NCKAP1: variants seen among roughly 807,000 people sequenced by gnomAD.
NCKAP1 encodes the protein NCK associated protein 1, also known as nck-associated protein 1.
NCKAP1 carries 21 observed loss-of-function variants against 151.2 expected under a neutral mutation model. The observed-to-expected ratio is 0.14, with a 90% CI of 0.10 to 0.20. NCKAP1 has a LOEUF of 0.20. NCKAP1 is among the 10% of genes least tolerant of loss of function. The probability of loss-of-function intolerance (pLI) is 1.00; values close to 1 mark genes in which losing one functional copy is unlikely to be tolerated. For missense variants in NCKAP1, 933 were observed against 1,352.1 expected (o/e 0.69, Z 4.86); for synonymous variants, 484 against 451.8 (o/e 1.07, Z -0.90).
intron 26 of NCKAP1, 42 bp downstream of exon 26, chr2:182,934,710 G>A (rs371894375): frequency 2.8e-5 from 27 of 971,158 alleles, no homozygotes; most frequent in Middle Eastern, 4.3e-4. Context: ...TAAATATTTC[G>A]CTTTAGAGAC....
chr2:183,026,180 G>A (rs966603241), intron 1 of NCKAP1, among the ~76,000 whole-genome samples: 3 of 152,130 alleles, frequency 2.0e-5, no homozygotes, highest in South Asian at 2.1e-4. Context: ...AGTGGCTCAC[G>A]CCTGTAATTC....
chr2:182,982,773 A>G (rs1697966376), intron 12 of NCKAP1, 48 bp downstream of exon 12: 1 of 1,249,148 alleles, frequency 8.0e-7, no homozygotes, highest in African/African-American at 1.5e-5. Flanking sequence ...TTGTAAATCA[A>G]GAAGCATCTA....
At chr2:182,978,955 G>A in intron 13 of NCKAP1, 40 bp from the exon 14 acceptor site, 1 of 1,426,318 alleles carries the variant, frequency 7.0e-7, no homozygotes. Flanking sequence ...AACATCTATA[G>A]TTGGGAAACA....
At chr2:182,952,578 A>T in intron 22 of NCKAP1, 76 bp from the exon 23 acceptor site, 2 of 1,181,888 alleles carry the variant, frequency 1.7e-6, no homozygotes, top group South Asian at 1.5e-5. Flanking sequence ...ACACAATACA[A>T]CATCTCATTA....
At chr2:182,948,975 A>G (rs1269042919) in intron 23 of NCKAP1, among the ~76,000 whole-genome samples, 1 of 152,228 alleles carries the variant, frequency 6.6e-6, no homozygotes, top group Non-Finnish European at 1.5e-5. Context: ...AAGGAGTGAG[A>G]AAGATGGCAA....
intron 14 of NCKAP1, 99 bp downstream of exon 14, chr2:182,978,735 T>C (rs192633278): frequency 1.2e-4 from 75 of 617,954 alleles, no homozygotes; most frequent in Admixed American, 1.2e-3. Flanking sequence ...TAAAAGATAA[T>C]AGATCATTAG....
intron 15 of NCKAP1, among the ~76,000 whole-genome samples, chr2:182,971,400 A>T (rs1381571908): frequency 2.1e-5 from 3 of 144,942 alleles, no homozygotes; most frequent in East Asian, 1.9e-4. Flanking sequence ...TCTCAAAAAA[A>T]AAAAAAAAAA....
intron 27 of NCKAP1, among the ~76,000 whole-genome samples, chr2:182,929,439 C>T (rs1181617312): frequency 6.6e-6 from 1 of 151,700 alleles, no homozygotes; most frequent in Non-Finnish European, 1.5e-5. Context: ...ACAGAAGAAA[C>T]TAGTCATGAA....
At chr2:182,945,906 C>A (rs1293236489) in intron 23 of NCKAP1, among the ~76,000 whole-genome samples, 1 of 152,138 alleles carries the variant, frequency 6.6e-6, no homozygotes, top group Non-Finnish European at 1.5e-5. Flanking sequence ...ATGGAATCAA[C>A]CTAAATGCCC....
chr2:182,940,009 G>A (rs1007902596), intron 24 of NCKAP1, among the ~76,000 whole-genome samples: 1 of 152,052 alleles, frequency 6.6e-6, no homozygotes, highest in Non-Finnish European at 1.5e-5. Context: ...CTTGACAAAC[G>A]ACTATGAATT....
chr2:183,009,705 G>A (rs1698556155), intron 2 of NCKAP1, among the ~76,000 whole-genome samples: 1 of 152,098 alleles, frequency 6.6e-6, no homozygotes, highest in Non-Finnish European at 1.5e-5. Context: ...TTGCACTGCT[G>A]TGCAACCATC....
rs912567525 is a variant in NCKAP1, at chr2:183,028,657, C to T, written c.109-4741G>A. ...ATTACTACCTACTGCATAGGGTACA[C>T]TGTTAAAATATTTAAAAGATAAGAT... On this transcript the variant is annotated intron_variant, in intron 1 of 30. Transcript: ENST00000361354. Among the ~76,000 whole-genome samples the T allele has an allele frequency of 2.0e-5, 3 of 151,956 alleles. No individual in the cohort carries two copies. In the South Asian group the frequency reaches 6.4e-4, roughly 33 times the overall value.
chr2:183,017,043 A>G (rs926536217), intron 2 of NCKAP1, among the ~76,000 whole-genome samples: 5 of 152,180 alleles, frequency 3.3e-5, no homozygotes, highest in Non-Finnish European at 7.3e-5. Flanking sequence ...GGAAACACAA[A>G]AGAGAAAAAA....
chr2:182,962,256 C>G lies in NCKAP1; in HGVS notation c.1784G>C (p.Ser595Thr). Residue 595 changes from serine to threonine, a missense_variant, in exon 18 of 31, where the codon AGT becomes ACT. Physicochemically the swap from Ser to Thr is moderately conservative, Grantham distance 58. Coordinates refer to ENST00000361354, the MANE Select transcript of NCKAP1 (RefSeq NM_013436.5). ...PEERHHIGDR[S>T]LSLCNMFLDE... ...TAGGAACATATTACATAAGGAAAGA[C>G]TGCGATCTCCAATATGATGTCGCTG... 1 of 1,608,694 alleles carries G rather than the reference C, an allele frequency of 6.2e-7. No homozygotes were observed. Among genetic ancestry groups the G allele is most frequent in the Non-Finnish European group, 8.5e-7 (1 of 1,175,818 alleles).
intron 6 of NCKAP1, among the ~76,000 whole-genome samples, chr2:182,998,361 G>A (rs1490813134): frequency 2.0e-5 from 3 of 151,936 alleles, no homozygotes; most frequent in African/African-American, 7.3e-5. Context: ...GCAAGAGAAA[G>A]AAATAAAAGG....
At chr2:183,020,402 T>C (rs6711649) in intron 2 of NCKAP1, among the ~76,000 whole-genome samples, 142 of 147,274 alleles carry the variant, frequency 9.6e-4, no homozygotes, top group African/African-American at 3.5e-3. Flanking sequence ...GAGGTGGAGG[T>C]TGTAGTGGGC....
At chr2:183,031,523 A>G (rs1228421571) in intron 1 of NCKAP1, among the ~76,000 whole-genome samples, 3 of 152,148 alleles carry the variant, frequency 2.0e-5, no homozygotes, top group African/African-American at 2.4e-5. Flanking sequence ...GTAAAATAGA[A>G]TAGTGAGGAA....
At chr2:182,929,205 G>C (rs6742298) in intron 27 of NCKAP1, among the ~76,000 whole-genome samples, 9,003 of 151,476 alleles carry the variant, frequency 0.059, 883 homozygotes, top group African/African-American at 0.21. Flanking sequence ...AATACAGTTA[G>C]GATAACTGCA....
chr2:182,972,713 T>C (rs1179949610), intron 15 of NCKAP1, among the ~76,000 whole-genome samples: 1 of 152,170 alleles, frequency 6.6e-6, no homozygotes, highest in Admixed American at 6.5e-5. Flanking sequence ...TGGAATATTA[T>C]TATGCCATAA....
Sources: allele counts gnomAD v4.1 joint callset (sites outside exome capture counted in the v4.1 genomes callset), GRCh38; gene constraint gnomAD v4.1.1; transcripts MANE v1.5; gene names NCBI Gene and HGNC (gene_info 2026-07-23, HGNC 2026-07-21).